The following BCAR1 variants were observed in gnomAD, a reference collection of about 807,000 sequenced individuals.
BCAR1 encodes the protein breast cancer anti-estrogen resistance protein 1.
In BCAR1, 30 loss-of-function variants were observed where a neutral mutation model predicts 67.6. The observed-to-expected ratio is 0.44, with a 90% CI of 0.33 to 0.60. The LOEUF (loss-of-function observed/expected upper bound fraction) is 0.60. BCAR1 is among the 20% of genes least tolerant of loss of function. BCAR1 has a pLI of 0.02. For synonymous variants in BCAR1, 626 were observed against 556.7 expected, an observed-to-expected ratio of 1.12 and a Z score of -1.75; for missense variants, 1,313 against 1,222.3, an observed-to-expected ratio of 1.07 and a Z score of -1.11.
At chr16:75,265,751 C>T (rs1197239734) in intron 1 of BCAR1, 19 of 1,194,190 alleles carry the variant, frequency 1.6e-5, no homozygotes, top group Non-Finnish European at 2.0e-5. Flanking sequence ...GGCATCAGGC[C>T]CGCAGCGGGC....
chr16:75,238,849 C>T (rs866135193), intron 2 of BCAR1: 14 of 985,388 alleles, frequency 1.4e-5, no homozygotes, highest in Admixed American at 6.1e-5. Flanking sequence ...GGCTGGGCCT[C>T]GAGGCACGGC....
chr16:75,236,792 C>A (rs1246056536), intron 4 of BCAR1, 90 bp downstream of exon 4: 2 of 1,500,136 alleles, frequency 1.3e-6, no homozygotes, highest in Admixed American at 2.0e-5. Flanking sequence ...CCACCCCCAG[C>A]CCTGCAGACA....
At chr16:75,252,337 A>G (rs2077699330), upstream of BCAR1, 12 of 1,535,520 alleles carry the variant, frequency 7.8e-6, no homozygotes, top group South Asian at 1.3e-4. Flanking sequence ...ACCTGGGCCT[A>G]GTACCCTCCT....
At chr16:75,241,493 C>T (rs186435443) in intron 2 of BCAR1, among the ~76,000 whole-genome samples, 1 of 152,136 alleles carries the variant, frequency 6.6e-6, no homozygotes, top group South Asian at 2.1e-4. Flanking sequence ...CTTGCTAAAG[C>T]CAGTTTGGGA....
intron 1 of BCAR1, chr16:75,250,652 T>C (rs1017088402): frequency 4.1e-6 from 4 of 985,320 alleles, no homozygotes; most frequent in Non-Finnish European, 2.4e-6. Flanking sequence ...AAATCTCCGC[T>C]TTCCCAACTC....
At chr16:75,241,781 T>G (rs1445469383) in intron 2 of BCAR1, among the ~76,000 whole-genome samples, 1 of 152,160 alleles carries the variant, frequency 6.6e-6, no homozygotes, top group Non-Finnish European at 1.5e-5. Flanking sequence ...GAGTGTCTAG[T>G]GCTGACTCCT....
intron 1 of BCAR1, among the ~76,000 whole-genome samples, chr16:75,260,123 G>A (rs1054321586): frequency 2.0e-5 from 3 of 152,104 alleles, no homozygotes; most frequent in South Asian, 2.1e-4. Context: ...GACCCTGGGA[G>A]GAAGAGGTTG....
chr16:75,232,986 GT>G, intron 6 of BCAR1, among the ~76,000 whole-genome samples: 1 of 152,120 alleles, frequency 6.6e-6, no homozygotes, highest in East Asian at 1.9e-4. Context: ...CTCCCTTAGT[GT>G]TTTTTTACAT....
At chr16:75,266,766 C>CGGT (rs2078015546) in intron 1 of BCAR1, 2 of 1,451,670 alleles carry the variant, frequency 1.4e-6, no homozygotes, top group Admixed American at 2.1e-5. Flanking sequence ...TTCCTGGGGA[C>CGGT]GGTGGGTGAG....
chr16:75,250,930 C>A lies in BCAR1; in HGVS notation c.12+541G>T. 4.1e-6 allele frequency: 4 copies of A among 985,446 alleles called. No individual in the cohort carries two copies. In the South Asian group the frequency reaches 1.9e-4, roughly 46 times the overall value. 61.0% of individuals were successfully genotyped at this position (985,446 alleles called of 1,614,324 possible). Reference sequence around the variant, plus strand: ...CTCCGCTCCCGGAACCCCGCGCCGGCGGCCGGAGTGAATCATTAACTGGAG... The same window carrying A: ...CTCCGCTCCCGGAACCCCGCGCCGGAGGCCGGAGTGAATCATTAACTGGAG... On this transcript the variant is annotated intron_variant, in intron 1 of 6. Transcript: ENST00000162330.
At chr16:75,243,208 G>A in intron 1 of BCAR1, 118 bp from the exon 2 acceptor site, 6 of 1,111,806 alleles carry the variant, frequency 5.4e-6, no homozygotes, top group South Asian at 3.2e-5. Context: ...AAAGAACTCA[G>A]TGGAGTTTGG....
chr16:75,267,980 T>A, exon 1 of BCAR1: 1 of 1,583,630 alleles, frequency 6.3e-7, no homozygotes, highest in Non-Finnish European at 8.6e-7. Context: ...GGGCAGTGCA[T>A]GCCCTCTCCT....
At chr16:75,244,599 C>T (rs1375563260) in intron 1 of BCAR1, among the ~76,000 whole-genome samples, 2 of 152,236 alleles carry the variant, frequency 1.3e-5, no homozygotes, top group South Asian at 4.1e-4. Flanking sequence ...GGTTCACTTG[C>T]CCTGGGTGGA....
At chr16:75,230,062 G>C (rs765372466) in intron 6 of BCAR1, 39 bp from the exon 7 acceptor site, 8 of 1,513,982 alleles carry the variant, frequency 5.3e-6, no homozygotes, top group Non-Finnish European at 6.2e-6. Flanking sequence ...TTAGGCTCTC[G>C]GGTGAGTTGG....
Position 75,235,943 on chromosome 16 carries a change from C to T in BCAR1, c.956G>A (p.Gly319Asp), listed in dbSNP as rs1254709759. 1.2e-5 allele frequency: 19 copies of T among 1,574,020 alleles called. No homozygotes were observed. The highest frequency in any genetic ancestry group is 1.6e-5 in the Non-Finnish European group (18 of 1,159,222). The change falls in exon 5 of 7, where the codon GGC becomes GAC. Residue 319 changes from glycine (G) to aspartate (D), a missense_variant. By Grantham distance (94) the Gly-to-Asp change is moderately conservative. Around this residue, in one of 2 missense-constraint regions of BCAR1, gnomAD observed 1,272 missense variants for 1,137.5 expected, o/e 1.12. Coordinates refer to ENST00000162330, the MANE Select transcript of BCAR1 (RefSeq NM_014567.5). ...GTAGGTCTCCTCACGCAGCAGTGGGCCATCGGGCACATCCTTGCTCACCGA... is the reference window on the plus strand; with the variant it reads ...GTAGGTCTCCTCACGCAGCAGTGGGTCATCGGGCACATCCTTGCTCACCGA... ...PPSVSKDVPD[G>D]PLLREETYDV...
At chr16:75,245,016 A>T (rs1354579551) in intron 1 of BCAR1, among the ~76,000 whole-genome samples, 1 of 152,208 alleles carries the variant, frequency 6.6e-6, no homozygotes, top group East Asian at 1.9e-4. Context: ...AGAAAAAAAA[A>T]GAAAACGGTG....
At chr16:75,258,871 C>T (rs1597280691) in intron 1 of BCAR1, among the ~76,000 whole-genome samples, 1 of 152,246 alleles carries the variant, frequency 6.6e-6, no homozygotes, top group East Asian at 1.9e-4. Flanking sequence ...AGCGCTGGGG[C>T]AGGCGCAGCA....
intron 1 of BCAR1, chr16:75,248,745 T>A (rs1597252460): frequency 6.5e-6 from 1 of 153,436 alleles, no homozygotes; most frequent in Non-Finnish European, 1.4e-5. Flanking sequence ...ATGGCTCCTA[T>A]CCTGCCAGCC....
chr16:75,261,045 C>T (rs1943454428), intron 1 of BCAR1, among the ~76,000 whole-genome samples: 1 of 152,182 alleles, frequency 6.6e-6, no homozygotes, highest in Admixed American at 6.5e-5. Context: ...CTCTAATCCC[C>T]CTTGGAGAAG....
Sources: allele counts gnomAD v4.1 joint callset (sites outside exome capture counted in the v4.1 genomes callset), GRCh38; gene constraint gnomAD v4.1.1; regional missense constraint gnomAD v4.1.1; transcripts MANE v1.5; gene names NCBI Gene and HGNC (gene_info 2026-07-23, HGNC 2026-07-21).